Variants in MRPS12 observed in about 807,000 individuals in gnomAD.
The protein encoded by MRPS12 is mitochondrial ribosomal protein S12, also known as small ribosomal subunit protein uS12m.
Under a neutral mutation model 8.4 loss-of-function variants are expected in MRPS12, and 7 were observed. The observed-to-expected ratio is 0.83, with a 90% CI of 0.47 to 1.56. The LOEUF is 1.56. Among genes scored for constraint, MRPS12 ranks in the 40% most tolerant of loss-of-function variants. The pLI, the probability that MRPS12 is intolerant of heterozygous loss-of-function variation, is 0.01. For missense variants in MRPS12, 200 were observed against 194.1 expected, an observed-to-expected ratio of 1.03 and a Z score of -0.18; for synonymous variants, 84 against 84.1, an observed-to-expected ratio of 1.00 and a Z score of 0.01.
intron 2 of MRPS12, among the ~76,000 whole-genome samples, 197 bp from the exon 3 acceptor site, chr19:38,932,135 CA>C (rs1291386606): frequency 2.0e-3 from 120 of 59,222 alleles, no homozygotes; most frequent in Admixed American, 4.5e-3. Context: ...GACTTTGTCT[CA>C]AAAAAAAAAA....
chr19:38,932,238 A>G lies in MRPS12; in HGVS notation c.50-95A>G, dbSNP rs1050483802. ...TAGATGTGAACAAATGCATCTTTGT[A>G]AAGTGCTTTAAACAATGCCTAAAAC... is the stretch of plus-strand genomic sequence containing the variant. On this transcript the variant is annotated intron_variant, in intron 2 of 2. Transcript: ENST00000308018. 1.1e-5 allele frequency: 14 copies of G among 1,301,250 alleles called. No homozygotes were observed. In the Admixed American group the frequency reaches 1.8e-4, roughly 17 times the overall value. The allele number at this position is 1,301,250 out of a possible 1,614,324, so 80.6% of individuals were successfully genotyped here.
chr19:38,931,392 A>T, intron 2 of MRPS12, 49 bp downstream of exon 2: 1 of 1,516,420 alleles, frequency 6.6e-7, no homozygotes, highest in Non-Finnish European at 8.9e-7. Context: ...GGGGAGGGTT[A>T]TTCGCTCTTG....
Position 38,932,963 on chromosome 19 carries a change from T to G in MRPS12, c.*263T>G. ...CCTTTTCTGCTGGGACAAGACACTG[T>G]ACTGCCCTCTGCTGGGAAGGGGTTT... On this transcript the variant is annotated 3_prime_UTR_variant, in exon 3 of 3. Transcript: ENST00000308018. 1 of 479,618 alleles carries G rather than the reference T, an allele frequency of 2.1e-6. No homozygotes were observed. The highest frequency in any genetic ancestry group is 2.7e-5 in the South Asian group (1 of 37,558). 29.7% of individuals were successfully genotyped at this position (479,618 alleles called of 1,614,324 possible).
chr19:38,931,349 T>TG lies in MRPS12; in HGVS notation c.49+11dup, dbSNP rs1182408278. 1 of 1,586,234 alleles carries TG rather than the reference T, an allele frequency of 6.3e-7. No individual in the cohort carries two copies. Among genetic ancestry groups the TG allele is most frequent in the South Asian group, 1.1e-5 (1 of 88,244 alleles). On this transcript the variant is annotated splice_region_variant and intron_variant, in intron 2 of 2. Coordinates refer to ENST00000308018, the MANE Select transcript of MRPS12 (RefSeq NM_033362.4). Reference sequence around the variant, plus strand: ...CAACACGTCCCTAACTTGTGGTAAGTGGGGGACTTGGGCTTCAGGGACGAG... The same window carrying TG: ...CAACACGTCCCTAACTTGTGGTAAGTGGGGGGACTTGGGCTTCAGGGACGAG...
intron 2 of MRPS12, 141 bp from the exon 3 acceptor site, chr19:38,932,192 A>G: frequency 1.4e-6 from 1 of 715,142 alleles, no homozygotes; most frequent in Non-Finnish European, 2.0e-6. Context: ...ATAAAGAGTT[A>G]CTTTTGTCTG....
Position 38,932,550 on chromosome 19 carries a change from C to T in MRPS12, c.267C>T (p.Arg89=), listed in dbSNP as rs766063632. The change falls in exon 3 of 3, where the codon CGC becomes CGT. Residue 89 remains arginine (R), a synonymous_variant. Coordinates refer to ENST00000308018, the MANE Select transcript of MRPS12 (RefSeq NM_033362.4). ...GTCGAGTGCGGCTCAGCACTGGCCGCGAGGCCGTCTGCTTCATCCCTGGGG... is the reference window on the plus strand; with the variant it reads ...GTCGAGTGCGGCTCAGCACTGGCCGTGAGGCCGTCTGCTTCATCCCTGGGG... ...KCCRVRLSTG[R]EAVCFIPGEG... is the part of the protein sequence containing the mutation. 3.1e-6 allele frequency: 5 copies of T among 1,613,050 alleles called. No homozygotes were observed. Among genetic ancestry groups the T allele is most frequent in the East Asian group, 4.5e-5 (2 of 44,858 alleles).
Position 38,932,540 on chromosome 19 carries a change from G to A in MRPS12, c.257G>A (p.Ser86Asn). 1 of 1,613,198 alleles carries A rather than the reference G, an allele frequency of 6.2e-7. No homozygotes were observed. Among genetic ancestry groups the A allele is most frequent in the Non-Finnish European group, 8.5e-7 (1 of 1,179,498 alleles). Residue 86 changes from serine (S) to asparagine (N), a missense_variant, in exon 3 of 3, where the codon AGC becomes AAC. By Grantham distance (46) the Ser-to-Asn change is conservative (BLOSUM62 1). Coordinates refer to ENST00000308018, the MANE Select transcript of MRPS12 (RefSeq NM_033362.4). Reference protein sequence around the residue: ...ANRKCCRVRLSTGREAVCFIP... With the variant: ...ANRKCCRVRLNTGREAVCFIP... ...CGCAAGTGCTGTCGAGTGCGGCTCA[G>A]CACTGGCCGCGAGGCCGTCTGCTTC...
intron 2 of MRPS12, 79 bp downstream of exon 2, chr19:38,931,422 G>T (rs1974747989): frequency 7.3e-7 from 1 of 1,363,190 alleles, no homozygotes. Context: ...GCCTCCGTCG[G>T]AGCCCCGAGG....
Position 38,931,313 on chromosome 19 carries a change from C to G in MRPS12, c.19C>G (p.Leu7Val). The change falls in exon 2 of 3, where the codon CTC (leucine) becomes GTC (valine). Residue 7 changes from leucine (L) to valine (V), a missense_variant. By Grantham distance (32) the Leu-to-Val change is conservative (BLOSUM62 1). Coordinates refer to ENST00000308018, the MANE Select transcript of MRPS12 (RefSeq NM_033362.4). ...TGGCAGGATGTCCTGGTCTGGCCTT[C>G]TCCATGGCCTCAACACGTCCCTAAC... MSWSGLLHGLNTSLTCG... is the reference protein window; with the variant it reads MSWSGLVHGLNTSLTCG... 1.2e-6 allele frequency: 2 copies of G among 1,604,474 alleles called. No homozygotes were observed. The highest frequency in any genetic ancestry group is 1.7e-6 in the Non-Finnish European group (2 of 1,175,950).
chr19:38,932,206 A>T, intron 2 of MRPS12, 127 bp from the exon 3 acceptor site: 2 of 874,618 alleles, frequency 2.3e-6, no homozygotes, highest in Non-Finnish European at 3.2e-6. Context: ...TTGTCTGTAG[A>T]TAACATTAGA....
At chr19:38,932,227 T>C in intron 2 of MRPS12, 106 bp from the exon 3 acceptor site, 2 of 1,162,886 alleles carry the variant, frequency 1.7e-6, no homozygotes, top group South Asian at 3.5e-5. Flanking sequence ...TGTGAACAAA[T>C]GCATCTTTGT....
chr19:38,931,140 C>A, intron 1 of MRPS12, 136 bp from the exon 2 acceptor site: 1 of 747,798 alleles, frequency 1.3e-6, no homozygotes, highest in Non-Finnish European at 2.3e-6. Context: ...TTTCTGTTAG[C>A]AGCATGAGGG....
rs1281717593 is a variant in MRPS12 at position 38,932,733 on chromosome 19, C to T, written c.*33C>T. On this transcript the variant is annotated 3_prime_UTR_variant, in exon 3 of 3. Transcript: ENST00000308018. ...GGGCACAGTGGGCTGGGCGCCCCTG[C>T]AGAACATGAACCTTCCGCTCCTGGC... 6.2e-7 allele frequency: 1 copy of T among 1,603,076 alleles called. No individual in the cohort carries two copies.
Position 38,931,260 on chromosome 19 carries a change from T to C in MRPS12, c.-19-16T>C, listed in dbSNP as rs1270606693. ...CACTTTTTCCTCCTTTCTGAGTCTC[T>C]TATCCCCTACCACAGGGACGGCCCA... On this transcript the variant is annotated splice_polypyrimidine_tract_variant and intron_variant, in intron 1 of 2. Transcript: ENST00000308018. 3.2e-5 allele frequency: 51 copies of C among 1,574,716 alleles called. No individual in the cohort carries two copies. The highest frequency in any genetic ancestry group is 4.1e-5 in the African/African-American group (3 of 72,842).
chr19:38,932,806 A>G lies in MRPS12; in HGVS notation c.*106A>G. 6.9e-7 allele frequency: 1 copy of G among 1,458,436 alleles called. No homozygotes were observed. The highest frequency in any genetic ancestry group is 2.1e-5 in the Admixed American group (1 of 48,616). The allele number at this position is 1,458,436 out of a possible 1,614,324, so 90.3% of individuals were successfully genotyped here. ...GGCCTTTGCGCCTCTAGAGGCAGCC[A>G]CTCATGGATTCAAGTCCTGGCTCCG... On this transcript the variant is annotated 3_prime_UTR_variant, in exon 3 of 3. Coordinates refer to ENST00000308018, the MANE Select transcript of MRPS12 (RefSeq NM_033362.4).
chr19:38,932,534 G>C lies in MRPS12; in HGVS notation c.251G>C (p.Arg84Pro), dbSNP rs1216155488. The C allele has an allele frequency of 1.2e-6, 2 of 1,612,344 alleles. No individual in the cohort carries two copies. Among genetic ancestry groups the C allele is most frequent in the Non-Finnish European group, 8.5e-7 (1 of 1,178,808 alleles). ...NSANRKCCRV[R>P]LSTGREAVCF... ...GCCAATCGCAAGTGCTGTCGAGTGC[G>C]GCTCAGCACTGGCCGCGAGGCCGTC... is the stretch of plus-strand genomic sequence containing the variant. The change falls in exon 3 of 3, where the codon CGG becomes CCG. Residue 84 changes from arginine (R) to proline (P), a missense_variant. Coordinates refer to ENST00000308018, the MANE Select transcript of MRPS12 (RefSeq NM_033362.4).
At chr19:38,932,179 A>G (rs1437293361) in intron 2 of MRPS12, among the ~76,000 whole-genome samples, 154 bp from the exon 3 acceptor site, 2 of 152,122 alleles carry the variant, frequency 1.3e-5, no homozygotes, top group South Asian at 2.1e-4. Context: ...GCTTCCTTGA[A>G]GAATAAAGAG....
intron 2 of MRPS12, chr19:38,931,603 G>A: frequency 2.9e-6 from 1 of 339,548 alleles, no homozygotes. Context: ...GTGCAGCGGT[G>A]TGATCACAGC....
chr19:38,932,643 C>A lies in MRPS12; in HGVS notation c.360C>A (p.Gly120=), dbSNP rs368469692. Residue 120 remains glycine, a synonymous_variant, in exon 3 of 3, where the codon GGC becomes GGA. Transcript: ENST00000308018. ...GCGGCCGCACCCAGGACCTGCCAGG[C>A]GTCAAGCTCACCGTTGTGCGTGGCA... ...VEGGRTQDLP[G]VKLTVVRGKY... is the part of the protein sequence containing the mutation. 1 of 1,613,776 alleles carries A rather than the reference C, an allele frequency of 6.2e-7. No homozygotes were observed. The highest frequency in any genetic ancestry group is 1.1e-5 in the South Asian group (1 of 91,084).
Sources: gnomAD v4.1 joint callset for allele counts (sites outside exome capture counted in the v4.1 genomes callset) on GRCh38, gnomAD v4.1.1 for gene constraint, MANE v1.5 for transcripts, NCBI Gene and HGNC (gene_info 2026-07-23, HGNC 2026-07-21) for gene names.